DYRK1A: variants seen among roughly 807,000 people sequenced by gnomAD.
DYRK1A encodes dual specificity tyrosine-phosphorylation-regulated kinase 1A.
Under a neutral mutation model 79.7 loss-of-function variants are expected in DYRK1A, and 9 were observed. The ratio of observed to expected loss-of-function variants is 0.11; its 90% CI spans 0.07 to 0.20. The LOEUF is 0.20. Ranked by LOEUF, DYRK1A falls within the 10% of genes least tolerant of loss-of-function variation. The pLI is 1.00. For synonymous variants in DYRK1A, 349 were observed against 329.7 expected (o/e 1.06, Z -0.63); for missense variants, 622 against 956.0 (o/e 0.65, Z 4.61).
At chr21:37,459,242 C>G (rs1270875596) in intron 2 of DYRK1A, among the ~76,000 whole-genome samples, 1 of 152,154 alleles carries the variant, frequency 6.6e-6, no homozygotes, top group Non-Finnish European at 1.5e-5. Flanking sequence ...GAATTAGTTC[C>G]TCTGTTATAA....
chr21:37,468,647 C>T (rs1240806644), intron 2 of DYRK1A, among the ~76,000 whole-genome samples: 1 of 152,052 alleles, frequency 6.6e-6, no homozygotes, highest in Non-Finnish European at 1.5e-5. Context: ...GGTTAAGGAT[C>T]AATTGGATGT....
intron 1 of DYRK1A, among the ~76,000 whole-genome samples, chr21:37,398,971 A>G (rs1207783053): frequency 6.7e-6 from 1 of 148,590 alleles, no homozygotes; most frequent in Non-Finnish European, 1.5e-5. Context: ...TCTTCTTTCT[A>G]CCCTGGTGCA....
At chr21:37,393,324 ACT>A (rs1234842553) in intron 1 of DYRK1A, among the ~76,000 whole-genome samples, 2 of 152,048 alleles carry the variant, frequency 1.3e-5, no homozygotes, top group South Asian at 2.1e-4. Flanking sequence ...CAGAAACTCC[ACT>A]CTCTGTTTAG....
intron 1 of DYRK1A, among the ~76,000 whole-genome samples, chr21:37,394,984 A>T (rs1372508582): frequency 6.6e-6 from 1 of 152,228 alleles, no homozygotes; most frequent in African/African-American, 2.4e-5. Context: ...TCCTTTGTAC[A>T]GGTGGAAGAA....
At chr21:37,438,079 A>T (rs1337426833) in intron 2 of DYRK1A, among the ~76,000 whole-genome samples, 1 of 152,038 alleles carries the variant, frequency 6.6e-6, no homozygotes, top group Non-Finnish European at 1.5e-5. Flanking sequence ...TTTCTCTGTG[A>T]TTAATGTTGT....
intron 1 of DYRK1A, among the ~76,000 whole-genome samples, chr21:37,386,000 G>T (rs991940983): frequency 2.6e-5 from 4 of 152,040 alleles, no homozygotes; most frequent in African/African-American, 9.7e-5. Context: ...TATTAAGCTT[G>T]CCCTGAGCAC....
chr21:37,366,144 G>A (rs995633111), upstream of DYRK1A: 4 of 151,578 alleles, frequency 2.6e-5, no homozygotes, highest in African/African-American at 7.3e-5. Flanking sequence ...CGCGGCCGCC[G>A]CGCTTCCCGG....
At chr21:37,447,112 C>G (rs143250957) in intron 2 of DYRK1A, among the ~76,000 whole-genome samples, 1 of 152,232 alleles carries the variant, frequency 6.6e-6, no homozygotes, top group Non-Finnish European at 1.5e-5. Context: ...GAACTTGCTT[C>G]TTTTATATCC....
At chr21:37,395,306 AT>A (rs1662083117) in intron 1 of DYRK1A, among the ~76,000 whole-genome samples, 1 of 152,146 alleles carries the variant, frequency 6.6e-6, no homozygotes, top group African/African-American at 2.4e-5. Flanking sequence ...TGAAGATCGC[AT>A]TTTTAGGCCC....
intron 2 of DYRK1A, among the ~76,000 whole-genome samples, chr21:37,445,860 C>T (rs2051253293): frequency 1.3e-5 from 2 of 152,156 alleles, no homozygotes; most frequent in Non-Finnish European, 2.9e-5. Flanking sequence ...AACATTCTTA[C>T]TGGCAGGGCA....
rs2053935020 is a variant in DYRK1A at position 37,521,498 on chromosome 21, G to C, written c.*8967G>C. The C allele has an allele frequency of 6.6e-6, 1 of 152,222 alleles. No individual in the cohort carries two copies. Among genetic ancestry groups the C allele is most frequent in the Admixed American group, 6.5e-5 (1 of 15,280 alleles). The allele number at this position is 152,222 out of a possible 1,614,324, so 9.4% of individuals were successfully genotyped here. On this transcript the variant is annotated 3_prime_UTR_variant, in exon 12 of 12. Coordinates refer to ENST00000647188, the MANE Select transcript of DYRK1A (RefSeq NM_001347721.2). ...AGTCATGTGCAAAGCACTTAGCTAG[G>C]TCTTAGGGATGAGGACAAAAAGCAT...
intron 5 of DYRK1A, among the ~76,000 whole-genome samples, chr21:37,483,370 C>T (rs1279047569): frequency 6.6e-6 from 1 of 152,164 alleles, no homozygotes; most frequent in Admixed American, 6.5e-5. Context: ...GAAAAATAAA[C>T]GTGTAAGCAA....
At chr21:37,471,981 T>A (rs370760658) in intron 2 of DYRK1A, among the ~76,000 whole-genome samples, 4 of 152,238 alleles carry the variant, frequency 2.6e-5, no homozygotes, top group Admixed American at 2.0e-4. Flanking sequence ...ACCAAAGTGT[T>A]AATTTTTCAT....
chr21:37,463,283 C>G (rs1318320490), intron 2 of DYRK1A, among the ~76,000 whole-genome samples: 1 of 150,480 alleles, frequency 6.6e-6, no homozygotes, highest in African/African-American at 2.4e-5. Context: ...GAAAGCAGTT[C>G]ATTTGTTCTT....
intron 2 of DYRK1A, among the ~76,000 whole-genome samples, chr21:37,450,743 C>T (rs937892543): frequency 7.9e-5 from 12 of 152,286 alleles, no homozygotes; most frequent in African/African-American, 2.9e-4. Context: ...TTCACTCATT[C>T]GTTTAGTGTT....
intron 5 of DYRK1A, among the ~76,000 whole-genome samples, chr21:37,483,425 A>G (rs1481839849): frequency 6.6e-6 from 1 of 152,198 alleles, no homozygotes; most frequent in Non-Finnish European, 1.5e-5. Context: ...GTGTGGCCCT[A>G]CCAGTCCCTG....
chr21:37,514,750 A>G lies in DYRK1A; in HGVS notation c.*2219A>G, dbSNP rs1249289767. ...AAAGGTTTACAGTGAATAAAAGGAT[A>G]TCATCTTGAGTATAGCAATATCAAA... On this transcript the variant is annotated 3_prime_UTR_variant, in exon 12 of 12. Transcript: ENST00000647188. 6.6e-6 allele frequency: 1 copy of G among 152,668 alleles called. No individual in the cohort carries two copies. The highest frequency in any genetic ancestry group is 1.5e-5 in the Non-Finnish European group (1 of 68,042). The allele number at this position is 152,668 out of a possible 1,614,324, so 9.5% of individuals were successfully genotyped here.
At chr21:37,475,119 A>G (rs1302896014) in intron 3 of DYRK1A, among the ~76,000 whole-genome samples, 1 of 152,214 alleles carries the variant, frequency 6.6e-6, no homozygotes, top group Admixed American at 6.5e-5. Flanking sequence ...GAGGTTTGTA[A>G]TCTGGGTGAA....
At chr21:37,454,676 T>G (rs1028860432) in intron 2 of DYRK1A, among the ~76,000 whole-genome samples, 2 of 152,178 alleles carry the variant, frequency 1.3e-5, no homozygotes, top group African/African-American at 2.4e-5. Context: ...GTTAAAAAAT[T>G]TTATCTCATT....
Sources: allele counts gnomAD v4.1 joint callset (sites outside exome capture counted in the v4.1 genomes callset), GRCh38; gene constraint gnomAD v4.1.1; transcripts MANE v1.5; gene names NCBI Gene and HGNC (gene_info 2026-07-23, HGNC 2026-07-21).